PPEF1: variants seen among roughly 807,000 people sequenced by gnomAD.
The protein encoded by PPEF1 is protein phosphatase with EF-hand domain 1.
In PPEF1, 12 loss-of-function variants were observed where a neutral mutation model predicts 53.3. The observed-to-expected ratio is 0.23, with a 90% CI of 0.14 to 0.36. The LOEUF (loss-of-function observed/expected upper bound fraction) is 0.36. PPEF1 is among the 10% of genes least tolerant of loss of function. PPEF1 has a pLI of 1.00. For synonymous variants in PPEF1, 165 were observed against 176.7 expected (o/e 0.93, Z 0.52); for missense variants, 334 against 490.4 (o/e 0.68, Z 3.01).
intron 12 of PPEF1, among the ~76,000 whole-genome samples, 165 bp from the exon 13 acceptor site, chrX:18,817,874 T>C (rs1452524165): frequency 9.0e-6 from 1 of 111,257 alleles, no homozygotes; most frequent in Non-Finnish European, 1.9e-5. Flanking sequence ...CACACACACA[T>C]ACACATACAT....
chrX:18,718,702 C>T (rs2044515705), intron 1 of PPEF1, among the ~76,000 whole-genome samples: 1 of 112,368 alleles, frequency 8.9e-6, no homozygotes, highest in Non-Finnish European at 1.9e-5. Flanking sequence ...AGGAAATTCA[C>T]AAAGAAGCCA....
At chrX:18,694,493 A>G (rs1394140176) in intron 4 of PPEF1, among the ~76,000 whole-genome samples, 1 of 111,710 alleles carries the variant, frequency 9.0e-6, no homozygotes, top group Non-Finnish European at 1.9e-5. Context: ...GCTCACGCCT[A>G]TAATACAAAT....
chrX:18,774,756 T>C (rs902133688), intron 6 of PPEF1, among the ~76,000 whole-genome samples: 11 of 111,735 alleles, frequency 9.8e-5, no homozygotes, highest in Non-Finnish European at 2.1e-4. Context: ...CCTCTTTAAT[T>C]TGTAAATTTT....
At chrX:18,718,792 A>G (rs1053708486) in intron 1 of PPEF1, among the ~76,000 whole-genome samples, 1 of 112,175 alleles carries the variant, frequency 8.9e-6, no homozygotes, top group Non-Finnish European at 1.9e-5. Flanking sequence ...AGAAAGGACA[A>G]TCCCTCAGCC....
upstream of PPEF1, chrX:18,707,546 A>G (rs1293320459): frequency 1.3e-5 from 5 of 382,965 alleles, no homozygotes; most frequent in South Asian, 1.5e-4. Flanking sequence ...TCCACATCAC[A>G]TGATGAACAG....
upstream of PPEF1, among the ~76,000 whole-genome samples, chrX:18,706,217 GAAA>G (rs761694284): frequency 2.4e-4 from 13 of 54,372 alleles, no homozygotes; most frequent in African/African-American, 3.6e-4. Context: ...GACCCTGTCT[GAAA>G]AAAAAAAAAA....
chrX:18,761,852 C>T (rs185040022), intron 6 of PPEF1, among the ~76,000 whole-genome samples: 26 of 110,165 alleles, frequency 2.4e-4, no homozygotes, highest in Admixed American at 2.1e-3. Flanking sequence ...TTGTCTTTAT[C>T]GCATCATAAA....
upstream of PPEF1, chrX:18,707,558 G>A (rs2044226667): frequency 2.6e-6 from 1 of 381,633 alleles, no homozygotes; most frequent in South Asian, 5.3e-5. Flanking sequence ...GATGAACAGC[G>A]ATTCAGAAGA....
intron 3 of PPEF1, among the ~76,000 whole-genome samples, chrX:18,689,438 C>T (rs1336612563): frequency 4.7e-5 from 5 of 105,415 alleles, no homozygotes; most frequent in East Asian, 6.3e-4. Flanking sequence ...GCTATGATCG[C>T]GCCACTGCAC....
chrX:18,720,680 C>T (rs1269215441), intron 1 of PPEF1, among the ~76,000 whole-genome samples: 2 of 111,965 alleles, frequency 1.8e-5, no homozygotes, highest in Non-Finnish European at 3.8e-5. Context: ...TGGTGGCAAC[C>T]TAGGCTTATG....
chrX:18,684,138 C>T (rs933329080), intron 1 of PPEF1, among the ~76,000 whole-genome samples: 4 of 112,052 alleles, frequency 3.6e-5, no homozygotes, highest in Non-Finnish European at 7.5e-5. Context: ...TTCATTATCA[C>T]ATGCCTGCAA....
chrX:18,726,214 C>A (rs1230587741), intron 1 of PPEF1, among the ~76,000 whole-genome samples: 1 of 110,256 alleles, frequency 9.1e-6, no homozygotes, highest in Non-Finnish European at 1.9e-5. Context: ...ATTAGCTGGG[C>A]GTGGTGGTGG....
chrX:18,805,073 G>A (rs1407468019), intron 11 of PPEF1, among the ~76,000 whole-genome samples: 3 of 108,845 alleles, frequency 2.8e-5, no homozygotes, highest in South Asian at 4.2e-4. Flanking sequence ...TGCAACCTCC[G>A]CCTCCCGAGT....
At chrX:18,793,771 A>G (rs181586244) in intron 10 of PPEF1, among the ~76,000 whole-genome samples, 1 of 98,820 alleles carries the variant, frequency 1.0e-5, no homozygotes, top group African/African-American at 3.9e-5. Flanking sequence ...AACCCTAGGT[A>G]GTTATTCCCA....
At chrX:18,763,017 A>T (rs1017657084) in intron 6 of PPEF1, among the ~76,000 whole-genome samples, 2 of 111,492 alleles carry the variant, frequency 1.8e-5, no homozygotes, top group African/African-American at 3.3e-5. Context: ...CACCAGACCA[A>T]CTCAAAATTA....
chrX:18,729,858 T>A (rs2044795776), intron 1 of PPEF1, among the ~76,000 whole-genome samples: 1 of 112,015 alleles, frequency 8.9e-6, no homozygotes, highest in Admixed American at 9.5e-5. Context: ...ATTTTACAGA[T>A]GAGGAAACTG....
chrX:18,797,694 TTC>T (rs202148823), intron 10 of PPEF1, among the ~76,000 whole-genome samples: 1,451 of 110,929 alleles, frequency 0.013, 21 homozygotes, highest in African/African-American at 0.044. Flanking sequence ...AAGTGATATG[TTC>T]TTTTTTATTA....
upstream of PPEF1, among the ~76,000 whole-genome samples, chrX:18,703,065 C>T (rs1473077786): frequency 9.0e-6 from 1 of 110,818 alleles, no homozygotes; most frequent in Non-Finnish European, 1.9e-5. Flanking sequence ...TTTACCAAGT[C>T]ATGGAAAATC....
chrX:18,738,066 G>A (rs973502038), intron 3 of PPEF1, among the ~76,000 whole-genome samples: 1 of 110,667 alleles, frequency 9.0e-6, no homozygotes, highest in Non-Finnish European at 1.9e-5. Flanking sequence ...GATGGGTCTT[G>A]ACTCTTTATC....
Sources: gnomAD v4.1 joint callset for allele counts (sites outside exome capture counted in the v4.1 genomes callset) on GRCh38, gnomAD v4.1.1 for gene constraint, MANE v1.5 for transcripts, NCBI Gene and HGNC (gene_info 2026-07-23, HGNC 2026-07-21) for gene names.